Variants in GABRB2 observed in about 807,000 individuals in gnomAD.
GABRB2 encodes gamma-aminobutyric acid receptor subunit beta-2.
A neutral mutation model predicts 54.7 loss-of-function variants in GABRB2; 16 were observed. The observed-to-expected ratio is 0.29, with a 90% CI of 0.20 to 0.44. The LOEUF is 0.44. Ranked by LOEUF, GABRB2 falls within the 20% of genes least tolerant of loss-of-function variation. The pLI is 1.00. For synonymous variants in GABRB2, 244 were observed against 233.8 expected (o/e 1.04, Z -0.40); for missense variants, 355 against 644.0 (o/e 0.55, Z 4.86).
chr5:161,343,212 A>G (rs1754223627), intron 5 of GABRB2, among the ~76,000 whole-genome samples: 1 of 151,576 alleles, frequency 6.6e-6, no homozygotes, highest in African/African-American at 2.4e-5. Flanking sequence ...GAACTGCTAG[A>G]CACACATTTT....
Position 161,526,587 on chromosome 5 carries a change from A to G in GABRB2, c.237+18640T>C, listed in dbSNP as rs113307780. On this transcript the variant is annotated intron_variant, in intron 3 of 9. Coordinates refer to ENST00000393959, the MANE Select transcript of GABRB2 (RefSeq NM_001371727.1). ...AGAAGTTTTTTTTTTTTATTTCTATAAGACATCCAAAGCACCTCATGCATA... is the reference window on the plus strand; with the variant it reads ...AGAAGTTTTTTTTTTTTATTTCTATGAGACATCCAAAGCACCTCATGCATA... 3.0e-3 allele frequency among the ~76,000 whole-genome samples: 449 copies of G among 151,326 alleles called. 3 individuals carry two copies. Among genetic ancestry groups the G allele is most frequent in the Non-Finnish European group, 5.0e-3 (340 of 67,410 alleles).
In GABRB2 at chr5:161,337,002, C is replaced by T. The variant is rs148066109; in HGVS notation, c.542-233G>A. Among the ~76,000 whole-genome samples the T allele has an allele frequency of 2.9e-3, 442 of 152,148 alleles. 1 individual carries two copies. The highest frequency in any genetic ancestry group is 0.01 in the African/African-American group (416 of 41,516). ...TATAATTAGGCCCATATTAGACTTA[C>T]AAAAGCTTAGAGAAATTAACAGCAT... On this transcript the variant is annotated intron_variant, in intron 5 of 9. Coordinates refer to ENST00000393959, the MANE Select transcript of GABRB2 (RefSeq NM_001371727.1).
At position 161,289,232 on chromosome 5, in the gene GABRB2, C is replaced by CTTTTTTTTTTTTTTTTTTT. The variant is rs56372028; in HGVS notation, c.*4848_*4849insAAAAAAAAAAAAAAAAAAA. On this transcript the variant is annotated 3_prime_UTR_variant, in exon 10 of 10. Transcript: ENST00000393959. Reference sequence around the variant, plus strand: ...ACCTAGTAGCTTTTTAAGAGTGCTGCTTTTTTTTTTTTTTTTTGTACAGAT... The same window carrying CTTTTTTTTTTTTTTTTTTT: ...ACCTAGTAGCTTTTTAAGAGTGCTGCTTTTTTTTTTTTTTTTTTTTTTTTTTTTTTTTTTTTGTACAGAT... 5.5e-5 allele frequency: 5 copies of CTTTTTTTTTTTTTTTTTTT among 90,494 alleles called. No individual in the cohort carries two copies. The highest frequency in any genetic ancestry group is 3.1e-4 in the African/African-American group (5 of 16,220). 5.6% of individuals were successfully genotyped at this position (90,494 alleles called of 1,614,324 possible).
At chr5:161,417,576 G>A (rs1401569946) in intron 4 of GABRB2, among the ~76,000 whole-genome samples, 1 of 152,140 alleles carries the variant, frequency 6.6e-6, no homozygotes, top group Non-Finnish European at 1.5e-5. Context: ...TACCAAATGA[G>A]CTTAGAAATT....
chr5:161,397,230 A>C (rs1756030609), intron 5 of GABRB2, among the ~76,000 whole-genome samples: 2 of 152,154 alleles, frequency 1.3e-5, no homozygotes, highest in Non-Finnish European at 2.9e-5. Context: ...AGAAATCTAT[A>C]ATTCTTTCTG....
At chr5:161,532,090 C>T (rs1760480052) in intron 3 of GABRB2, among the ~76,000 whole-genome samples, 1 of 152,028 alleles carries the variant, frequency 6.6e-6, no homozygotes, top group Non-Finnish European at 1.5e-5. Flanking sequence ...CAGTGATGAG[C>T]TATTACTAGA....
intron 3 of GABRB2, among the ~76,000 whole-genome samples, chr5:161,488,823 T>C (rs1487619655): frequency 2.6e-5 from 4 of 151,790 alleles, no homozygotes; most frequent in African/African-American, 9.7e-5. Flanking sequence ...TATACACAAA[T>C]GTCATGGCTA....
intron 4 of GABRB2, among the ~76,000 whole-genome samples, chr5:161,412,922 T>TAGAG (rs1347717121): frequency 6.6e-6 from 1 of 152,208 alleles, no homozygotes; most frequent in Non-Finnish European, 1.5e-5. Context: ...TGTCTGTTTT[T>TAGAG]AGAGACAGGT....
Position 161,323,181 on chromosome 5 carries a change from C to A in GABRB2, c.1191+3187G>T, listed in dbSNP as rs1035249973. On this transcript the variant is annotated intron_variant, in intron 9 of 9. Transcript: ENST00000393959. The stretch of plus-strand genomic sequence containing the variant: ...GGATTACAGGCGCCCGCCACCACAC[C>A]CAGCTAATTTTTTGTATCTTTAGCA... Among the ~76,000 whole-genome samples the A allele has an allele frequency of 2.0e-5, 3 of 152,122 alleles. No homozygotes were observed. In the East Asian group the frequency reaches 5.8e-4, roughly 30 times the overall value.
rs34494220 is a variant in GABRB2 at position 161,455,529 on chromosome 5, ATT to A, written c.458+4093_458+4094del. Among the ~76,000 whole-genome samples, 416 of 137,836 alleles carry A rather than the reference ATT, an allele frequency of 3.0e-3. 2 individuals carry two copies. The highest frequency in any genetic ancestry group is 6.4e-3 in the African/African-American group (235 of 36,868). 90.4% of individuals were successfully genotyped at this position (137,836 alleles called of 152,430 possible). A position where few individuals can be genotyped will look rare whatever the true frequency, so the allele number is the denominator to read the frequency against. Reference sequence around the variant, plus strand: ...CTGAAACATGAAATTTTGTTCCCCAATTTTTTTTTTTTTTTTTTTGAGACAGG... The same window carrying A: ...CTGAAACATGAAATTTTGTTCCCCAATTTTTTTTTTTTTTTTTGAGACAGG... On this transcript the variant is annotated intron_variant, in intron 4 of 9. Transcript: ENST00000393959.
chr5:161,398,401 C>T (rs140487547), intron 5 of GABRB2, among the ~76,000 whole-genome samples: 1 of 152,156 alleles, frequency 6.6e-6, no homozygotes, highest in Non-Finnish European at 1.5e-5. Flanking sequence ...ACAAAACTGA[C>T]TTTGGCTAAA....
In GABRB2 at chr5:161,370,174, C is replaced by T. The variant is rs749954270; in HGVS notation, c.542-33405G>A. Among the ~76,000 whole-genome samples the T allele has an allele frequency of 1.3e-4, 20 of 152,108 alleles. 1 individual carries two copies. Among genetic ancestry groups the T allele is most frequent in the Non-Finnish European group, 1.9e-4 (13 of 67,994 alleles). On this transcript the variant is annotated intron_variant, in intron 5 of 9. Transcript: ENST00000393959. ...TATGACCTTGTCAAGAAGATATTTC[C>T]TTTTCAAAAATGAAATAGCAAAAAA... is the stretch of plus-strand genomic sequence containing the variant.
intron 5 of GABRB2, among the ~76,000 whole-genome samples, chr5:161,388,542 G>A (rs1755716893): frequency 1.3e-5 from 2 of 151,896 alleles, no homozygotes; most frequent in Admixed American, 6.6e-5. Flanking sequence ...TGGATAATAT[G>A]TATTAGCATT....
At position 161,385,229 on chromosome 5, in the gene GABRB2, A is replaced by G. The variant is rs1755587515; in HGVS notation, c.541+25746T>C. 2.0e-5 allele frequency among the ~76,000 whole-genome samples: 3 copies of G among 152,198 alleles called. No homozygotes were observed. The South Asian group carries it at 6.2e-4, about 31-fold the overall frequency. On this transcript the variant is annotated intron_variant, in intron 5 of 9. Transcript: ENST00000393959. Reference sequence around the variant, plus strand: ...GCAAATATCTGCCAAGTGTATCTGCATCTCTACATACTCTGCACATATTCC... The same window carrying G: ...GCAAATATCTGCCAAGTGTATCTGCGTCTCTACATACTCTGCACATATTCC...
chr5:161,386,672 T>C (rs1338112571), intron 5 of GABRB2, among the ~76,000 whole-genome samples: 2 of 151,962 alleles, frequency 1.3e-5, no homozygotes, highest in East Asian at 3.9e-4. Flanking sequence ...AGTGCTCCCT[T>C]ATGTGGGACT....
At chr5:161,341,482 T>A (rs1754153939) in intron 5 of GABRB2, among the ~76,000 whole-genome samples, 1 of 151,778 alleles carries the variant, frequency 6.6e-6, no homozygotes, top group South Asian at 2.1e-4. Context: ...TCAGAGGGCC[T>A]ATAAATAAAC....
At chr5:161,340,655 T>G (rs1754130090) in intron 5 of GABRB2, among the ~76,000 whole-genome samples, 1 of 151,726 alleles carries the variant, frequency 6.6e-6, no homozygotes, top group Non-Finnish European at 1.5e-5. Flanking sequence ...TAATGGCCAC[T>G]TCATAGAGCT....
At chr5:161,475,916 C>T (rs1251414507) in intron 3 of GABRB2, among the ~76,000 whole-genome samples, 1 of 151,920 alleles carries the variant, frequency 6.6e-6, no homozygotes, top group Non-Finnish European at 1.5e-5. Context: ...ACTTTCACCA[C>T]TTCTATTTAG....
intron 9 of GABRB2, among the ~76,000 whole-genome samples, chr5:161,321,397 G>A (rs779860901): frequency 3.3e-5 from 5 of 151,832 alleles, no homozygotes; most frequent in South Asian, 2.1e-4. Flanking sequence ...TTTCAATTCC[G>A]TTTTATTTGG....
Sources: gnomAD v4.1 joint callset for allele counts (sites outside exome capture counted in the v4.1 genomes callset) on GRCh38, gnomAD v4.1.1 for gene constraint, MANE v1.5 for transcripts, NCBI Gene and HGNC (gene_info 2026-07-23, HGNC 2026-07-21) for gene names.